PPP1R14C: variants seen among roughly 807,000 people sequenced by gnomAD.
PPP1R14C encodes protein phosphatase 1 regulatory inhibitor subunit 14C.
In PPP1R14C, 16 loss-of-function variants were observed where a neutral mutation model predicts 20.4. The observed-to-expected ratio is 0.78, with a 90% CI of 0.53 to 1.19. The LOEUF (loss-of-function observed/expected upper bound fraction) is 1.19, where lower values mean the gene tolerates loss of function less well. Ranked by LOEUF, PPP1R14C falls within the 50% of genes most tolerant of loss-of-function variation. The probability of loss-of-function intolerance (pLI) is 0.00; values close to 1 mark genes in which losing one functional copy is unlikely to be tolerated. For synonymous variants in PPP1R14C, 91 were observed against 91.0 expected, an observed-to-expected ratio of 1.00 and a Z score of 0.00; for missense variants, 211 against 220.1, an observed-to-expected ratio of 0.96 and a Z score of 0.26.
chr6:150,207,081 TC>T (rs1457233680), intron 1 of PPP1R14C, among the ~76,000 whole-genome samples: 1 of 152,080 alleles, frequency 6.6e-6, no homozygotes, highest in Non-Finnish European at 1.5e-5. Context: ...GTCAGGCTGT[TC>T]TTGAGCTCCA....
rs1038883813 is a variant in PPP1R14C, at chr6:150,185,704, C to T, written c.307-29040C>T. Reference sequence around the variant, plus strand: ...AGCTCTGTGTGTCGGTGAGGATAGGCGAGGCTATGTTACACTCAGGAGTGA... The same window carrying T: ...AGCTCTGTGTGTCGGTGAGGATAGGTGAGGCTATGTTACACTCAGGAGTGA... On this transcript the variant is annotated intron_variant, in intron 1 of 3. Transcript: ENST00000361131. The surrounding 1 kb of genome is among the most constrained non-coding windows in gnomAD (Gnocchi z 4.1). Among the ~76,000 whole-genome samples, 1 of 152,020 alleles carries T rather than the reference C, an allele frequency of 6.6e-6. No individual in the cohort carries two copies. Among genetic ancestry groups the T allele is most frequent in the Non-Finnish European group, 1.5e-5 (1 of 68,022 alleles).
intron 1 of PPP1R14C, among the ~76,000 whole-genome samples, chr6:150,175,165 C>G (rs538006653): frequency 6.6e-5 from 10 of 152,236 alleles, no homozygotes; most frequent in African/African-American, 2.2e-4. Context: ...TAAGGCTTGC[C>G]CATGTTAACT....
At position 150,143,198 on chromosome 6, in the gene PPP1R14C, G is replaced by T. The variant is rs1311472809; in HGVS notation, c.6G>T (p.Ser2=). 2 of 1,346,122 alleles carry T rather than the reference G, an allele frequency of 1.5e-6. No homozygotes were observed. The highest frequency in any genetic ancestry group is 1.9e-6 in the Non-Finnish European group (2 of 1,059,038). The allele number at this position is 1,346,122 out of a possible 1,614,324, so 83.4% of individuals were successfully genotyped here. A position where few individuals can be genotyped will look rare whatever the true frequency, so the allele number is the denominator to read the frequency against. M[S]VATGSSETAG... is the part of the protein sequence containing the mutation. Reference sequence around the variant, plus strand: ...AGGCTCGGGCGCGCGGGGACATGTCGGTGGCGACGGGCAGCAGCGAGACGG... The same window carrying T: ...AGGCTCGGGCGCGCGGGGACATGTCTGTGGCGACGGGCAGCAGCGAGACGG... Residue 2 remains serine (S), a synonymous_variant, in exon 1 of 4, where the codon TCG becomes TCT. Coordinates refer to ENST00000361131, the MANE Select transcript of PPP1R14C (RefSeq NM_030949.3). The surrounding 1 kb of genome is among the most constrained non-coding windows in gnomAD (Gnocchi z 5.6).
rs1777148880 is a variant in PPP1R14C at position 150,143,582 on chromosome 6, G to A, written c.306+84G>A. 3.9e-6 allele frequency: 4 copies of A among 1,027,004 alleles called. No homozygotes were observed. Among genetic ancestry groups the A allele is most frequent in the Non-Finnish European group, 5.6e-6 (4 of 712,290 alleles). 63.6% of individuals were successfully genotyped at this position (1,027,004 alleles called of 1,614,324 possible). A position where few individuals can be genotyped will look rare whatever the true frequency, so the allele number is the denominator to read the frequency against. On this transcript the variant is annotated intron_variant, in intron 1 of 3. Coordinates refer to ENST00000361131, the MANE Select transcript of PPP1R14C (RefSeq NM_030949.3). The surrounding 1 kb of genome is among the most constrained non-coding windows in gnomAD (Gnocchi z 5.6). The stretch of plus-strand genomic sequence containing the variant: ...AGTAATTTTCCCGGGCTCCAGCTCC[G>A]GGGCGCGCATGTCCCTGACTCCCGG...
chr6:150,154,163 A>G (rs1236693347), intron 1 of PPP1R14C, among the ~76,000 whole-genome samples: 1 of 152,246 alleles, frequency 6.6e-6, no homozygotes, highest in Non-Finnish European at 1.5e-5. Context: ...ATTCACTGAC[A>G]TTAGATTGCA....
chr6:150,206,105 A>G (rs1462832274), intron 1 of PPP1R14C, among the ~76,000 whole-genome samples: 1 of 151,998 alleles, frequency 6.6e-6, no homozygotes, highest in Non-Finnish European at 1.5e-5. Flanking sequence ...GGCTCCTGGC[A>G]GCTTCTTAGA....
intron 1 of PPP1R14C, among the ~76,000 whole-genome samples, chr6:150,155,118 G>A (rs542255769): frequency 1.3e-5 from 2 of 152,172 alleles, no homozygotes; most frequent in Non-Finnish European, 2.9e-5. Flanking sequence ...GAAAATCACA[G>A]CAGCTTTCAG....
intron 1 of PPP1R14C, among the ~76,000 whole-genome samples, chr6:150,188,732 C>A (rs940427446): frequency 2.0e-5 from 3 of 151,822 alleles, no homozygotes; most frequent in Admixed American, 6.6e-5. Context: ...ATGATCCACC[C>A]GCCTAGGCCT....
chr6:150,211,902 G>A (rs1778027977), intron 1 of PPP1R14C, among the ~76,000 whole-genome samples: 1 of 152,210 alleles, frequency 6.6e-6, no homozygotes, highest in Non-Finnish European at 1.5e-5. Flanking sequence ...AAGCGCAGAT[G>A]CCTAATGGCT....
intron 1 of PPP1R14C, among the ~76,000 whole-genome samples, chr6:150,178,711 A>G (rs1777589346): frequency 6.6e-6 from 1 of 152,252 alleles, no homozygotes; most frequent in African/African-American, 2.4e-5. Flanking sequence ...AATAGTAACC[A>G]GGGTCTTTAT....
At chr6:150,165,096 G>T (rs925755294) in intron 1 of PPP1R14C, among the ~76,000 whole-genome samples, 1 of 152,208 alleles carries the variant, frequency 6.6e-6, no homozygotes, top group African/African-American at 2.4e-5. Flanking sequence ...ACCAGTCTGT[G>T]GTAGTCTGTT....
chr6:150,223,076 G>C (rs1778189704), intron 3 of PPP1R14C, among the ~76,000 whole-genome samples: 1 of 152,040 alleles, frequency 6.6e-6, no homozygotes, highest in Admixed American at 6.6e-5. Context: ...GCCCAAAATG[G>C]CTTTTAAAAA....
Position 150,172,581 on chromosome 6 carries a change from T to C in PPP1R14C, c.306+29083T>C, listed in dbSNP as rs575793263. On this transcript the variant is annotated intron_variant, in intron 1 of 3. Coordinates refer to ENST00000361131, the MANE Select transcript of PPP1R14C (RefSeq NM_030949.3). The stretch of plus-strand genomic sequence containing the variant: ...AATTCATCATTTAGCTATTGAGAGC[T>C]GATGTTAGGCATATTCTTTCTTTTC... Among the ~76,000 whole-genome samples, 5 of 152,292 alleles carry C rather than the reference T, an allele frequency of 3.3e-5. No individual in the cohort carries two copies. The East Asian group carries it at 7.7e-4, about 23-fold the overall frequency.
intron 3 of PPP1R14C, among the ~76,000 whole-genome samples, chr6:150,229,888 AGG>A (rs1423255337): frequency 6.6e-6 from 1 of 152,128 alleles, no homozygotes; most frequent in African/African-American, 2.4e-5. Flanking sequence ...CCCAAAAAGA[AGG>A]GGGAAATTAA....
intron 1 of PPP1R14C, among the ~76,000 whole-genome samples, chr6:150,211,114 G>A (rs1462377028): frequency 6.6e-6 from 1 of 152,226 alleles, no homozygotes; most frequent in Admixed American, 6.5e-5. Context: ...GCCCCTGGCG[G>A]AGTTTTCTCT....
intron 1 of PPP1R14C, among the ~76,000 whole-genome samples, chr6:150,153,979 A>G (rs1777278442): frequency 6.6e-6 from 1 of 152,212 alleles, no homozygotes. Flanking sequence ...AAGTAAAGGA[A>G]CGAACACTTC....
At position 150,218,437 on chromosome 6, in the gene PPP1R14C, G is replaced by A. The variant is rs545503853; in HGVS notation, c.423+1581G>A. 1.0e-3 allele frequency among the ~76,000 whole-genome samples: 148 copies of A among 146,732 alleles called. No homozygotes were observed. In the Middle Eastern group the frequency reaches 0.021, roughly 21 times the overall value. On this transcript the variant is annotated intron_variant, in intron 3 of 3. Coordinates refer to ENST00000361131, the MANE Select transcript of PPP1R14C (RefSeq NM_030949.3). ...AAGAAAAAAGAAAACAATATTATAT[G>A]TATATATTTAAATTAATGTAATACT...
intron 3 of PPP1R14C, among the ~76,000 whole-genome samples, chr6:150,240,707 A>G (rs1778422085): frequency 6.6e-6 from 1 of 152,208 alleles, no homozygotes; most frequent in African/African-American, 2.4e-5. Flanking sequence ...TTGGAAAGAG[A>G]ACAGCCTCTG....
chr6:150,183,149 T>C (rs183070031), intron 1 of PPP1R14C, among the ~76,000 whole-genome samples: 1 of 152,286 alleles, frequency 6.6e-6, no homozygotes, highest in African/African-American at 2.4e-5. Context: ...TCTTTCATGA[T>C]TGCTATGGCA....
Sources: allele counts gnomAD v4.1 joint callset (sites outside exome capture counted in the v4.1 genomes callset), GRCh38; gene constraint gnomAD v4.1.1; non-coding constraint Gnocchi (gnomAD v3.1); transcripts MANE v1.5; gene names NCBI Gene and HGNC (gene_info 2026-07-23, HGNC 2026-07-21).